Variants in ZFHX3 observed in about 807,000 individuals in gnomAD.
The protein encoded by ZFHX3 is zinc finger homeobox protein 3.
In ZFHX3, 42 loss-of-function variants were observed where a neutral mutation model predicts 279.1. The observed-to-expected ratio is 0.15, with a 90% CI of 0.12 to 0.19. The LOEUF is 0.19. ZFHX3 is among the 10% of genes least tolerant of loss of function. The probability of loss-of-function intolerance (pLI) is 1.00; values close to 1 mark genes in which losing one functional copy is unlikely to be tolerated. For synonymous variants in ZFHX3, 2,293 were observed against 1,957.8 expected, an observed-to-expected ratio of 1.17 and a Z score of -4.52; for missense variants, 4,981 against 4,754.0, an observed-to-expected ratio of 1.05 and a Z score of -1.40.
intron 1 of ZFHX3, among the ~76,000 whole-genome samples, chr16:73,823,286 T>C (rs1418697415): frequency 6.6e-6 from 1 of 151,808 alleles, no homozygotes; most frequent in Non-Finnish European, 1.5e-5. Context: ...GCAGAGGAAC[T>C]AAAAGATGGC....
chr16:72,971,878 A>AT (rs34508228), intron 1 of ZFHX3, among the ~76,000 whole-genome samples: 2,787 of 95,358 alleles, frequency 0.029, 64 homozygotes, highest in African/African-American at 0.053. Flanking sequence ...CTGCCTATTA[A>AT]TTTTTTTTTT....
intron 2 of ZFHX3, among the ~76,000 whole-genome samples, chr16:73,637,737 G>T (rs538440969): frequency 6.6e-6 from 1 of 151,770 alleles, no homozygotes; most frequent in Admixed American, 6.6e-5. Flanking sequence ...TTACACATTA[G>T]AAAATATTAT....
At chr16:73,113,575 C>T (rs968562647) in intron 7 of ZFHX3, among the ~76,000 whole-genome samples, 9 of 152,104 alleles carry the variant, frequency 5.9e-5, no homozygotes, top group African/African-American at 1.9e-4. Context: ...TATAATCATA[C>T]ACCCACTACG....
chr16:73,579,752 C>A (rs2051838366), intron 2 of ZFHX3, among the ~76,000 whole-genome samples: 1 of 149,166 alleles, frequency 6.7e-6, no homozygotes, highest in African/African-American at 2.5e-5. Context: ...TCCACCCGCC[C>A]CAGCCTCCCA....
chr16:73,288,714 TC>T (rs1310413634), intron 4 of ZFHX3, among the ~76,000 whole-genome samples: 1 of 152,084 alleles, frequency 6.6e-6, no homozygotes, highest in Non-Finnish European at 1.5e-5. Flanking sequence ...CTGCTGCCGC[TC>T]TACACAAAAG....
intron 4 of ZFHX3, among the ~76,000 whole-genome samples, chr16:73,303,641 A>G (rs1201305966): frequency 1.3e-5 from 2 of 152,170 alleles, no homozygotes; most frequent in Non-Finnish European, 2.9e-5. Context: ...TCAAACCAAA[A>G]ACCTACCTTC....
Position 73,822,252 on chromosome 16 carries a change from T to C in ZFHX3, c.-1608+69399A>G, listed in dbSNP as rs536524104. Among the ~76,000 whole-genome samples the C allele has an allele frequency of 2.6e-5, 4 of 152,288 alleles. No individual in the cohort carries two copies. In the East Asian group the frequency reaches 5.8e-4, roughly 22 times the overall value. On this transcript the variant is annotated intron_variant, in intron 1 of 17. Coordinates refer to the ZFHX3 transcript ENST00000641206. Reference sequence around the variant, plus strand: ...TGGGATGAGAACCCAGAATTGGGGCTCTGATCTCCATTCACCAAATCATCC... The same window carrying C: ...TGGGATGAGAACCCAGAATTGGGGCCCTGATCTCCATTCACCAAATCATCC...
chr16:72,993,103 C>T (rs150862202), intron 1 of ZFHX3, among the ~76,000 whole-genome samples: 2,061 of 152,258 alleles, frequency 0.014, 51 homozygotes, highest in African/African-American at 0.047. Flanking sequence ...ACCACTGCAC[C>T]CCAGCCTGGG....
chr16:73,250,735 CGCGTTA>C (rs1216664564), intron 5 of ZFHX3, among the ~76,000 whole-genome samples: 1 of 152,006 alleles, frequency 6.6e-6, no homozygotes, highest in African/African-American at 2.4e-5. Flanking sequence ...GGGGTTTCAC[CGCGTTA>C]GCCAGGATGG....
At chr16:73,659,720 A>G (rs2052760377) in intron 2 of ZFHX3, among the ~76,000 whole-genome samples, 1 of 152,192 alleles carries the variant, frequency 6.6e-6, no homozygotes, top group Admixed American at 6.5e-5. Flanking sequence ...GGAGAAGAGT[A>G]TAACTGCATT....
intron 1 of ZFHX3, among the ~76,000 whole-genome samples, chr16:73,842,644 C>T (rs780521755): frequency 3.9e-5 from 6 of 152,160 alleles, no homozygotes; most frequent in Non-Finnish European, 8.8e-5. Flanking sequence ...GCCAAGGCTC[C>T]ATGCTACTAG....
Position 72,811,648 on chromosome 16 carries a change from T to A in ZFHX3, c.3793A>T (p.Ile1265Phe). 6.2e-7 allele frequency: 1 copy of A among 1,613,628 alleles called. No homozygotes were observed. Among genetic ancestry groups the A allele is most frequent in the Non-Finnish European group, 8.5e-7 (1 of 1,179,790 alleles). Residue 1265 changes from isoleucine to phenylalanine, a missense_variant, in exon 7 of 10, where the codon ATC (isoleucine) becomes TTC (phenylalanine). This residue lies in a region of ZFHX3 where 1,751 missense variants were observed against 1,770.0 expected (regional missense o/e 0.99). Transcript: ENST00000268489. ...PLCQDMLNNK[I>F]HLQLHLTHLH... ...TGGGTGAGGTGCAGCTGGAGGTGGATCTTGTTGTTGAGCATGTCCTGGCAC... is the reference window on the plus strand; with the variant it reads ...TGGGTGAGGTGCAGCTGGAGGTGGAACTTGTTGTTGAGCATGTCCTGGCAC...
intron 3 of ZFHX3, among the ~76,000 whole-genome samples, chr16:73,369,598 C>T (rs925310992): frequency 2.0e-5 from 3 of 152,106 alleles, no homozygotes; most frequent in East Asian, 1.9e-4. Flanking sequence ...TGAAAAAGTC[C>T]GGCTCCACCA....
intron 1 of ZFHX3, among the ~76,000 whole-genome samples, chr16:73,782,888 CT>C (rs1379212299): frequency 2.0e-5 from 3 of 152,214 alleles, no homozygotes; most frequent in African/African-American, 7.2e-5. Flanking sequence ...TGTTAAGCTT[CT>C]GCAAATTGGG....
intron 3 of ZFHX3, among the ~76,000 whole-genome samples, chr16:73,334,457 T>C (rs1178169978): frequency 6.6e-6 from 1 of 152,144 alleles, no homozygotes; most frequent in Non-Finnish European, 1.5e-5. Flanking sequence ...TGAAATGCAC[T>C]TTTGCCTCCA....
At chr16:73,871,568 G>A (rs1481175605) in intron 1 of ZFHX3, among the ~76,000 whole-genome samples, 1 of 152,030 alleles carries the variant, frequency 6.6e-6, no homozygotes, top group Non-Finnish European at 1.5e-5. Context: ...GCCCCTTGGT[G>A]CTTTGAATGC....
intron 1 of ZFHX3, chr16:73,005,965 A>G (rs938004496): frequency 6.6e-6 from 1 of 152,240 alleles, no homozygotes; most frequent in Admixed American, 6.5e-5. Flanking sequence ...TTTTCCCAGT[A>G]TATGAGAAAG....
At chr16:73,462,517 C>A (rs187650686) in intron 2 of ZFHX3, among the ~76,000 whole-genome samples, 20 of 152,162 alleles carry the variant, frequency 1.3e-4, no homozygotes, top group Admixed American at 2.0e-4. Context: ...AGTGTTCAGT[C>A]TTTTATCATT....
intron 4 of ZFHX3, among the ~76,000 whole-genome samples, chr16:72,887,648 G>C (rs1249920461): frequency 1.3e-5 from 2 of 149,394 alleles, no homozygotes; most frequent in Non-Finnish European, 3.0e-5. Context: ...GGGGTGTGTG[G>C]GGGTACAGTG....
Sources: allele counts gnomAD v4.1 joint callset (sites outside exome capture counted in the v4.1 genomes callset), GRCh38; gene constraint gnomAD v4.1.1; regional missense constraint gnomAD v4.1.1; transcripts MANE v1.5; gene names NCBI Gene and HGNC (gene_info 2026-07-23, HGNC 2026-07-21).